EXOC1: variants seen among roughly 807,000 people sequenced by gnomAD.
EXOC1 encodes the protein exocyst complex component 1.
In EXOC1, 67 loss-of-function variants were observed where a neutral mutation model predicts 107.7. The ratio of observed to expected loss-of-function variants is 0.62; its 90% confidence interval spans 0.51 to 0.76. The LOEUF (loss-of-function observed/expected upper bound fraction) is 0.76, where lower values mean the gene tolerates loss of function less well. EXOC1 is among the 30% of genes least tolerant of loss of function. EXOC1 has a pLI of 0.00. For synonymous variants in EXOC1, 348 were observed against 353.5 expected (o/e 0.98, Z 0.17); for missense variants, 833 against 1,055.7 (o/e 0.79, Z 2.92).
chr4:55,858,760 G>T (rs1347576833), intron 2 of EXOC1, among the ~76,000 whole-genome samples: 1 of 152,192 alleles, frequency 6.6e-6, no homozygotes, highest in East Asian at 1.9e-4. Context: ...TCATTTTTCT[G>T]TTGTGTTGCT....
At chr4:55,856,767 G>A (rs970597248) in intron 1 of EXOC1, among the ~76,000 whole-genome samples, 2 of 152,110 alleles carry the variant, frequency 1.3e-5, no homozygotes, top group African/African-American at 4.8e-5. Context: ...AAAAGATGCT[G>A]AGTTAGATAA....
At chr4:55,884,999 ATCTTGGG>A (rs920429004) in intron 10 of EXOC1, among the ~76,000 whole-genome samples, 7 of 152,220 alleles carry the variant, frequency 4.6e-5, no homozygotes, top group African/African-American at 1.7e-4. Context: ...ACTGATAAGA[ATCTTGGG>A]ACAGTAGGCT....
chr4:55,864,458 AAATT>A (rs1047479974), intron 4 of EXOC1, 72 bp downstream of exon 4: 106 of 1,281,906 alleles, frequency 8.3e-5, no homozygotes, highest in African/African-American at 1.5e-4. Context: ...GACATCATTC[AAATT>A]AATTAGAATA....
chr4:55,872,904 A>G (rs1223111118), intron 8 of EXOC1: 4 of 364,556 alleles, frequency 1.1e-5, no homozygotes, highest in Non-Finnish European at 1.5e-5. Context: ...TTTACAGATT[A>G]TAACTTACTG....
chr4:55,883,610 T>G (rs1309150688), intron 9 of EXOC1: 2 of 382,360 alleles, frequency 5.2e-6, no homozygotes, highest in Non-Finnish European at 9.4e-6. Flanking sequence ...AATATGGTTA[T>G]GTTTGACTTC....
chr4:55,884,951 G>A (rs1039944306), intron 10 of EXOC1, among the ~76,000 whole-genome samples: 15 of 152,126 alleles, frequency 9.9e-5, no homozygotes, highest in Non-Finnish European at 1.8e-4. Flanking sequence ...ATTTGAAATG[G>A]TTTGAATTTG....
At chr4:55,877,612 GAGAGACA>G in intron 8 of EXOC1, 1 of 985,344 alleles carries the variant, frequency 1.0e-6, no homozygotes, top group Middle Eastern at 5.2e-4. Flanking sequence ...TATGGTATGA[GAGAGACA>G]AGCTTCATTA....
intron 8 of EXOC1, chr4:55,876,091 A>G (rs1335141759): frequency 1.0e-6 from 1 of 984,948 alleles, no homozygotes; most frequent in African/African-American, 1.7e-5. Flanking sequence ...ACATAGAAAT[A>G]GATAATAGTC....
At chr4:55,892,492 C>CT in intron 13 of EXOC1, 143 bp from the exon 14 acceptor site, 1 of 651,840 alleles carries the variant, frequency 1.5e-6, no homozygotes, top group Non-Finnish European at 2.7e-6. Context: ...ATATAGCTAG[C>CT]TTTATCATAA....
chr4:55,868,544 A>G (rs754550230), intron 5 of EXOC1, 21 bp downstream of exon 5: 1 of 1,606,152 alleles, frequency 6.2e-7, no homozygotes, highest in Non-Finnish European at 8.5e-7. Flanking sequence ...CCTGAATTCT[A>G]TGAATAAGTG....
At chr4:55,882,141 T>C (rs914594725) in intron 9 of EXOC1, among the ~76,000 whole-genome samples, 2 of 152,106 alleles carry the variant, frequency 1.3e-5, no homozygotes, top group South Asian at 4.1e-4. Context: ...TTTGTTTTTG[T>C]TTTCGTTTTT....
chr4:55,857,608 A>G (rs937347736), intron 1 of EXOC1, among the ~76,000 whole-genome samples: 1 of 152,082 alleles, frequency 6.6e-6, no homozygotes, highest in African/African-American at 2.4e-5. Flanking sequence ...ATTCATGTAC[A>G]AATTTTTGTG....
chr4:55,883,114 A>G (rs1323030747), intron 9 of EXOC1: 1 of 152,170 alleles, frequency 6.6e-6, no homozygotes, highest in Non-Finnish European at 1.5e-5. Flanking sequence ...TAAGAAAATT[A>G]ATTACTTGAT....
intron 18 of EXOC1, among the ~76,000 whole-genome samples, chr4:55,903,161 A>G (rs564553311): frequency 6.9e-4 from 60 of 87,396 alleles, no homozygotes; most frequent in South Asian, 5.1e-3. Context: ...AAAAAAAAAA[A>G]AAAGAAAGAA....
Position 55,870,823 on chromosome 4 carries a change from A to G in EXOC1, c.749A>G (p.Asp250Gly). ...CTCCAAAGTGTAAAAGAACAAATGG[A>G]TCAGATCTCTGAAAGCAACCACCTA... is the stretch of plus-strand genomic sequence containing the variant. ...EMLQSVKEQM[D>G]QISESNHLIH... Residue 250 changes from aspartate (D) to glycine (G), a missense_variant, in exon 6 of 19, where the codon GAT (aspartate) becomes GGT (glycine). Physicochemically the swap from Asp to Gly is moderately conservative, Grantham distance 94. Around this residue, in one of 2 missense-constraint regions of EXOC1, gnomAD observed 617 missense variants for 701.3 expected, o/e 0.88. Coordinates refer to ENST00000381295, the MANE Select transcript of EXOC1 (RefSeq NM_001024924.2). 6.2e-7 allele frequency: 1 copy of G among 1,613,952 alleles called. No homozygotes were observed. The highest frequency in any genetic ancestry group is 8.5e-7 in the Non-Finnish European group (1 of 1,179,930).
At chr4:55,889,010 A>C in intron 11 of EXOC1, 78 bp downstream of exon 11, 1 of 1,486,870 alleles carries the variant, frequency 6.7e-7, no homozygotes, top group Non-Finnish European at 9.3e-7. Context: ...TCTTGAAAAA[A>C]GGTAACACCA....
chr4:55,896,680 T>A, intron 15 of EXOC1, 37 bp from the exon 16 acceptor site: 1 of 1,522,046 alleles, frequency 6.6e-7, no homozygotes, highest in Non-Finnish European at 8.8e-7. Context: ...TAAAGTTGCT[T>A]GGTTATTTAT....
In EXOC1 at chr4:55,870,745, C is replaced by T; in HGVS notation, c.671C>T (p.Ala224Val). Reference protein sequence around the residue: ...VNILMKLLDEALKEVDQIELK... With the variant: ...VNILMKLLDEVLKEVDQIELK... ...ATCCTGATGAAATTGCTAGATGAGGCTCTAAAGGAGGTAGATCAGATTGAA... is the reference window on the plus strand; with the variant it reads ...ATCCTGATGAAATTGCTAGATGAGGTTCTAAAGGAGGTAGATCAGATTGAA... Residue 224 changes from alanine (A) to valine (V), a missense_variant, in exon 6 of 19, where the codon GCT (alanine) becomes GTT (valine). Physicochemically the swap from Ala to Val is moderately conservative, Grantham distance 64. Around this residue, in one of 2 missense-constraint regions of EXOC1, gnomAD observed 617 missense variants for 701.3 expected, o/e 0.88. Coordinates refer to ENST00000381295, the MANE Select transcript of EXOC1 (RefSeq NM_001024924.2). 1.2e-6 allele frequency: 2 copies of T among 1,613,822 alleles called. No individual in the cohort carries two copies. Among genetic ancestry groups the T allele is most frequent in the South Asian group, 2.2e-5 (2 of 91,070 alleles).
At chr4:55,899,598 A>G (rs1725658756) in intron 16 of EXOC1, 87 bp from the exon 17 acceptor site, 1 of 1,218,256 alleles carries the variant, frequency 8.2e-7, no homozygotes, top group Non-Finnish European at 1.1e-6. Context: ...AAACTTACAA[A>G]TGAAAAAAAA....
Sources: gnomAD v4.1 joint callset for allele counts (sites outside exome capture counted in the v4.1 genomes callset) on GRCh38, gnomAD v4.1.1 for gene constraint, gnomAD v4.1.1 regional missense constraint, MANE v1.5 for transcripts, NCBI Gene and HGNC (gene_info 2026-07-23, HGNC 2026-07-21) for gene names.